Variants in MRC1 observed in about 807,000 individuals in gnomAD.
MRC1 encodes the protein mannose receptor C-type 1, also known as macrophage mannose receptor 1.
MRC1 carries 62 observed loss-of-function variants against 102.9 expected under a neutral mutation model. The observed-to-expected ratio is 0.60, with a 90% confidence interval of 0.49 to 0.74. The LOEUF is 0.74. Ranked by LOEUF, MRC1 falls within the 30% of genes least tolerant of loss-of-function variation. The pLI, the probability that MRC1 is intolerant of heterozygous loss-of-function variation, is 0.00. For synonymous variants in MRC1, 457 were observed against 298.4 expected, an observed-to-expected ratio of 1.53 and a Z score of -5.48; for missense variants, 1,237 against 862.8, an observed-to-expected ratio of 1.43 and a Z score of -5.43.
chr10:17,870,399 C>T, intron 13 of MRC1, 26 bp downstream of exon 13: 1 of 779,750 alleles, frequency 1.3e-6, no homozygotes, highest in South Asian at 1.3e-5. Context: ...ATGGATTCCT[C>T]CTTTTTGTTA....
At chr10:17,868,195 G>A (rs967737999) in intron 12 of MRC1, among the ~76,000 whole-genome samples, 9 of 152,292 alleles carry the variant, frequency 5.9e-5, no homozygotes, top group African/African-American at 1.7e-4. Flanking sequence ...TGTACCTACT[G>A]TGTTAGTCTG....
At chr10:17,834,109 T>G (rs1238263897) in intron 4 of MRC1, among the ~76,000 whole-genome samples, 1 of 152,196 alleles carries the variant, frequency 6.6e-6, no homozygotes, top group Non-Finnish European at 1.5e-5. Flanking sequence ...GAGTAAAAGA[T>G]GCCACAATCG....
At chr10:17,891,787 GTTCTCCTAAAGAC>G (rs1382032642) in intron 22 of MRC1, among the ~76,000 whole-genome samples, 1 of 152,156 alleles carries the variant, frequency 6.6e-6, no homozygotes, top group East Asian at 1.9e-4. Context: ...TTGTCTTTGG[GTTCTCCTAAAGAC>G]TTCTGAAATA....
At position 17,845,567 on chromosome 10, in the gene MRC1, T is replaced by G. The variant is rs1838814435; in HGVS notation, c.1063+132T>G. The stretch of plus-strand genomic sequence containing the variant: ...AGTTGATGGGGTAAACTTAATGATA[T>G]TACTGCAATATTTCTGTGTGCTGGT... On this transcript the variant is annotated intron_variant, in intron 6 of 29. Coordinates refer to ENST00000569591, the MANE Select transcript of MRC1 (RefSeq NM_002438.4). The G allele has an allele frequency of 1.4e-5, 10 of 720,884 alleles. No individual in the cohort carries two copies. In the Admixed American group the frequency reaches 2.0e-4, roughly 14 times the overall value. 44.7% of individuals were successfully genotyped at this position (720,884 alleles called of 1,614,324 possible). A position where few individuals can be genotyped will look rare whatever the true frequency, so the allele number is the denominator to read the frequency against.
chr10:17,885,055 A>G (rs1833573060), intron 21 of MRC1, among the ~76,000 whole-genome samples: 1 of 152,256 alleles, frequency 6.6e-6, no homozygotes, highest in Admixed American at 6.5e-5. Context: ...GATAAAACCT[A>G]GACTTTTATT....
chr10:17,837,289 G>A (rs1177785101), intron 4 of MRC1, among the ~76,000 whole-genome samples: 1 of 152,176 alleles, frequency 6.6e-6, no homozygotes, highest in Non-Finnish European at 1.5e-5. Flanking sequence ...CATCTCTAAC[G>A]AGATTTGTAG....
chr10:17,903,742 T>C (rs1306814446), intron 26 of MRC1, among the ~76,000 whole-genome samples: 3 of 152,092 alleles, frequency 2.0e-5, no homozygotes, highest in Non-Finnish European at 2.9e-5. Flanking sequence ...ATCGTTTGGT[T>C]ATTTCTTAGT....
intron 24 of MRC1, among the ~76,000 whole-genome samples, chr10:17,899,855 T>C (rs936717735): frequency 6.6e-6 from 1 of 151,946 alleles, no homozygotes; most frequent in South Asian, 2.1e-4. Context: ...CCCCAGCAGT[T>C]TGGGAGGCTG....
intron 14 of MRC1, among the ~76,000 whole-genome samples, 154 bp from the exon 15 acceptor site, chr10:17,871,828 G>A (rs1833358984): frequency 6.6e-6 from 1 of 152,024 alleles, no homozygotes; most frequent in South Asian, 2.1e-4. Context: ...TTTCTACTAC[G>A]TTTGTGAACT....
In MRC1 at chr10:17,870,750, C is replaced by T. The variant is rs913080372; in HGVS notation, c.2112-98C>T. 258 of 802,394 alleles carry T rather than the reference C, an allele frequency of 3.2e-4. 1 individual carries two copies. The African/African-American group carries it at 3.5e-3, about 11-fold the overall frequency. The allele number at this position is 802,394 out of a possible 1,614,324, so 49.7% of individuals were successfully genotyped here. ...TCTTTACTTGTGTACTATTAATTTA[C>T]GTTTTGGAGGTAACTTTCAAATGTG... On this transcript the variant is annotated intron_variant, in intron 13 of 29. Transcript: ENST00000569591.
chr10:17,835,295 C>G (rs1286440493), intron 4 of MRC1, among the ~76,000 whole-genome samples: 3 of 152,196 alleles, frequency 2.0e-5, no homozygotes, highest in Non-Finnish European at 4.4e-5. Context: ...GCTTCCTTGA[C>G]AACACTATAA....
intron 7 of MRC1, among the ~76,000 whole-genome samples, chr10:17,850,788 C>A (rs1248113446): frequency 3.3e-5 from 5 of 151,998 alleles, no homozygotes; most frequent in African/African-American, 1.2e-4. Context: ...GAGGAAAAAG[C>A]AACTAACAAA....
At chr10:17,881,848 T>G (rs1466386160) in intron 21 of MRC1, among the ~76,000 whole-genome samples, 1 of 137,600 alleles carries the variant, frequency 7.3e-6, no homozygotes, top group Non-Finnish European at 1.6e-5. Flanking sequence ...TTTTTTTTTT[T>G]TTTTTTTTTT....
intron 4 of MRC1, among the ~76,000 whole-genome samples, chr10:17,836,035 C>A (rs2130617116): frequency 6.6e-6 from 1 of 152,346 alleles, no homozygotes; most frequent in East Asian, 1.9e-4. Context: ...GGTCCCAGCT[C>A]TGTGAAACTG....
intron 5 of MRC1, 53 bp downstream of exon 5, chr10:17,840,859 G>A (rs531758657): frequency 2.1e-4 from 161 of 780,318 alleles, no homozygotes; most frequent in Non-Finnish European, 3.3e-4. Context: ...TCATCTAGAC[G>A]CCCCGAAGAC....
chr10:17,831,304 C>T (rs971905459), intron 3 of MRC1, among the ~76,000 whole-genome samples: 1 of 151,134 alleles, frequency 6.6e-6, no homozygotes. Context: ...ATGGTCTCAC[C>T]GACATACACA....
intron 24 of MRC1, among the ~76,000 whole-genome samples, chr10:17,900,066 C>G (rs962134522): frequency 1.5e-4 from 20 of 130,460 alleles, no homozygotes; most frequent in Admixed American, 1.5e-3. Flanking sequence ...CCATTGCACT[C>G]AAGCCTGGGG....
chr10:17,872,712 T>C (rs1259171415), intron 15 of MRC1, among the ~76,000 whole-genome samples: 2 of 152,188 alleles, frequency 1.3e-5, no homozygotes, highest in Non-Finnish European at 1.5e-5. Context: ...ACAATACGCA[T>C]GCTGACAGCC....
chr10:17,890,225 T>A (rs1833653818), intron 22 of MRC1, among the ~76,000 whole-genome samples: 1 of 152,168 alleles, frequency 6.6e-6, no homozygotes, highest in African/African-American at 2.4e-5. Context: ...AGATTTTTTT[T>A]TTCGTCTGGC....
Sources: gnomAD v4.1 joint callset for allele counts (sites outside exome capture counted in the v4.1 genomes callset) on GRCh38, gnomAD v4.1.1 for gene constraint, MANE v1.5 for transcripts, NCBI Gene and HGNC (gene_info 2026-07-23, HGNC 2026-07-21) for gene names.